The following SNTG1 variants were observed in gnomAD, a reference collection of about 807,000 sequenced individuals.
The protein encoded by SNTG1 is gamma-1-syntrophin.
Under a neutral mutation model 74.7 loss-of-function variants are expected in SNTG1, and 39 were observed. The ratio of observed to expected loss-of-function variants is 0.52; its 90% CI spans 0.40 to 0.68. The LOEUF (loss-of-function observed/expected upper bound fraction) is 0.68. SNTG1 is among the 30% of genes least tolerant of loss of function. The pLI is 0.00. For synonymous variants in SNTG1, 254 were observed against 217.1 expected (o/e 1.17, Z -1.49); for missense variants, 685 against 609.5 (o/e 1.12, Z -1.30).
intron 3 of SNTG1, among the ~76,000 whole-genome samples, chr8:50,398,553 C>T (rs552464661): frequency 2.6e-5 from 4 of 152,334 alleles, no homozygotes; most frequent in Non-Finnish European, 5.9e-5. Context: ...AACTCCCTTC[C>T]CTCATGAATA....
At position 50,791,949 on chromosome 8, in the gene SNTG1, A is replaced by AT. The variant is rs1563843184; in HGVS notation, c.1396-722_1396-721insT. On this transcript the variant is annotated intron_variant, in intron 18 of 18. Coordinates refer to ENST00000642720, the MANE Select transcript of SNTG1 (RefSeq NM_018967.5). ...TTTGACAAAATTATGGTTTGAAATA[A>AT]CTTTTTCTGTTTTCACTGCAATATA... 2.0e-5 allele frequency among the ~76,000 whole-genome samples: 3 copies of AT among 151,790 alleles called. No individual in the cohort carries two copies. In the Admixed American group the frequency reaches 2.0e-4, roughly 10 times the overall value.
chr8:50,056,707 C>T (rs1023525384), intron 1 of SNTG1, among the ~76,000 whole-genome samples: 10 of 152,166 alleles, frequency 6.6e-5, no homozygotes, highest in African/African-American at 2.4e-4. Context: ...TCTTTTAGAA[C>T]ATTGTCTGGT....
At chr8:50,561,301 C>A (rs1479933297) in intron 12 of SNTG1, among the ~76,000 whole-genome samples, 1 of 152,164 alleles carries the variant, frequency 6.6e-6, no homozygotes, top group Non-Finnish European at 1.5e-5. Context: ...CCATGAGGAA[C>A]TATGAGTCAA....
At chr8:50,463,130 A>T (rs975119291) in intron 8 of SNTG1, among the ~76,000 whole-genome samples, 5 of 152,118 alleles carry the variant, frequency 3.3e-5, no homozygotes, top group African/African-American at 1.2e-4. Flanking sequence ...TCTACTTCTA[A>T]TTCCAGTTCT....
At chr8:50,791,346 CCTCTT>C (rs2095690175) in intron 18 of SNTG1, among the ~76,000 whole-genome samples, 1 of 151,792 alleles carries the variant, frequency 6.6e-6, no homozygotes, top group East Asian at 1.9e-4. Flanking sequence ...AAATGAATAA[CCTCTT>C]CTATTCTCTA....
At chr8:49,976,421 G>C (rs1812198297) in intron 1 of SNTG1, among the ~76,000 whole-genome samples, 1 of 152,100 alleles carries the variant, frequency 6.6e-6, no homozygotes, top group Admixed American at 6.5e-5. Context: ...CTGCCAGGTT[G>C]TGGGGCTGAA....
intron 1 of SNTG1, among the ~76,000 whole-genome samples, chr8:50,038,507 T>G (rs1818349797): frequency 6.6e-6 from 1 of 152,208 alleles, no homozygotes; most frequent in Non-Finnish European, 1.5e-5. Context: ...GTCAAAGGTA[T>G]TACTATATTG....
chr8:50,322,149 C>T (rs893308382), intron 2 of SNTG1, among the ~76,000 whole-genome samples: 1 of 151,732 alleles, frequency 6.6e-6, no homozygotes, highest in Non-Finnish European at 1.5e-5. Flanking sequence ...TTTTAGGGTA[C>T]ATGTGCCTTT....
intron 18 of SNTG1, among the ~76,000 whole-genome samples, chr8:50,753,246 A>G (rs986559279): frequency 2.0e-5 from 3 of 151,918 alleles, no homozygotes; most frequent in Admixed American, 2.0e-4. Context: ...CTCCCACCTC[A>G]GCTACCACTG....
intron 12 of SNTG1, among the ~76,000 whole-genome samples, chr8:50,561,100 G>A (rs1253473094): frequency 6.6e-6 from 1 of 152,140 alleles, no homozygotes; most frequent in Non-Finnish European, 1.5e-5. Flanking sequence ...CCTGGTGTGA[G>A]GTGATTGGAT....
At chr8:50,355,239 TTAAA>T (rs1253347177) in intron 2 of SNTG1, among the ~76,000 whole-genome samples, 1 of 144,386 alleles carries the variant, frequency 6.9e-6, no homozygotes, top group African/African-American at 2.6e-5. Context: ...CACTTGGAAA[TTAAA>T]TAATTAATTA....
chr8:50,225,706 A>C (rs77417693), intron 2 of SNTG1, among the ~76,000 whole-genome samples: 1 of 152,192 alleles, frequency 6.6e-6, no homozygotes, highest in Non-Finnish European at 1.5e-5. Flanking sequence ...TATTAAAAAT[A>C]GGGAGGATTT....
intron 1 of SNTG1, among the ~76,000 whole-genome samples, chr8:50,094,671 C>CA (rs1006220367): frequency 6.6e-6 from 1 of 151,856 alleles, no homozygotes; most frequent in African/African-American, 2.4e-5. Context: ...ATGAAAGAGT[C>CA]AAAAAAATAA....
At chr8:50,763,241 T>C (rs563907557) in intron 18 of SNTG1, among the ~76,000 whole-genome samples, 9 of 152,062 alleles carry the variant, frequency 5.9e-5, no homozygotes, top group African/African-American at 1.9e-4. Context: ...GGCTTTTTCC[T>C]TGTTGCCAGG....
rs148393865 is a variant in SNTG1 at position 50,210,063 on chromosome 8, G to A, written c.-28+37428G>A. Among the ~76,000 whole-genome samples the A allele has an allele frequency of 6.6e-3, 1,006 of 152,238 alleles. 1 individual carries two copies. Among genetic ancestry groups the A allele is most frequent in the Non-Finnish European group, 0.011 (743 of 68,016 alleles). On this transcript the variant is annotated intron_variant, in intron 2 of 18. Transcript: ENST00000642720. ...CTCATGGAGCTGAAAACCATGGCACGAGAACTACGTGAAGCATGCACAAGC... is the reference window on the plus strand; with the variant it reads ...CTCATGGAGCTGAAAACCATGGCACAAGAACTACGTGAAGCATGCACAAGC...
chr8:49,938,603 T>TTTTTTTTTTTTTTTTTTTTTCTTTCTTTC (rs1554524905), intron 1 of SNTG1, among the ~76,000 whole-genome samples: 1 of 74,754 alleles, frequency 1.3e-5, no homozygotes. Context: ...TTTTCTTTTC[T>TTTTTTTTTTTTTTTTTTTTTCTTTCTTTC]TTTCTTTCTT....
intron 18 of SNTG1, among the ~76,000 whole-genome samples, chr8:50,777,296 T>C (rs1435773996): frequency 6.7e-6 from 1 of 148,672 alleles, no homozygotes; most frequent in Non-Finnish European, 1.5e-5. Flanking sequence ...GAATAGTCTT[T>C]CCTTTTTTCA....
intron 2 of SNTG1, among the ~76,000 whole-genome samples, chr8:50,286,237 T>C (rs2088775929): frequency 6.6e-6 from 1 of 152,224 alleles, no homozygotes; most frequent in East Asian, 1.9e-4. Flanking sequence ...CCCTCTTTGC[T>C]AGAATGGCAG....
Position 50,060,044 on chromosome 8 carries a change from G to A in SNTG1, c.-102-112517G>A, listed in dbSNP as rs115794371. 8.4e-3 allele frequency among the ~76,000 whole-genome samples: 1,272 copies of A among 152,186 alleles called. 24 individuals carry two copies. The highest frequency in any genetic ancestry group is 0.029 in the African/African-American group (1,201 of 41,534). On this transcript the variant is annotated intron_variant, in intron 1 of 18. Coordinates refer to ENST00000642720, the MANE Select transcript of SNTG1 (RefSeq NM_018967.5). ...TGTCTTGATACAGATATCATAGTGGGTGTGAAGTGGTAACTTACAGTAAAG... is the reference window on the plus strand; with the variant it reads ...TGTCTTGATACAGATATCATAGTGGATGTGAAGTGGTAACTTACAGTAAAG...
Sources: gnomAD v4.1 joint callset for allele counts (sites outside exome capture counted in the v4.1 genomes callset) on GRCh38, gnomAD v4.1.1 for gene constraint, MANE v1.5 for transcripts, NCBI Gene and HGNC (gene_info 2026-07-23, HGNC 2026-07-21) for gene names.